FZD8: variants seen among roughly 807,000 people sequenced by gnomAD.
The protein encoded by FZD8 is frizzled-8.
Under a neutral mutation model 46.0 loss-of-function variants are expected in FZD8, and 18 were observed. That is an observed-to-expected ratio of 0.39 (90% confidence interval 0.27 to 0.58). FZD8 has a LOEUF of 0.58. FZD8 is among the 20% of genes least tolerant of loss of function. The pLI is 0.55. For missense variants in FZD8, 785 were observed against 983.4 expected (o/e 0.80, Z 2.70); for synonymous variants, 586 against 467.9 (o/e 1.25, Z -3.26).
rs904120209 is a variant in FZD8 at position 35,641,615 on chromosome 10, C to T, written c.-186G>A. On this transcript the variant is annotated 5_prime_UTR_variant, in exon 1 of 1. Transcript: ENST00000374694. The surrounding 1 kb of genome is among the most constrained non-coding windows in gnomAD (Gnocchi z 6.3). ...AGGGGCGCGTCCGCAGCGGCGCGGC[C>T]CGCAGCCTGGGCAGGGCCCTTCCGC... The T allele has an allele frequency of 5.4e-5, 41 of 760,708 alleles. No individual in the cohort carries two copies. The highest frequency in any genetic ancestry group is 1.2e-4 in the African/African-American group (7 of 56,040). 47.1% of individuals were successfully genotyped at this position (760,708 alleles called of 1,614,324 possible). A position where few individuals can be genotyped will look rare whatever the true frequency, so the allele number is the denominator to read the frequency against.
chr10:35,639,285 G>A lies in FZD8; in HGVS notation c.*60C>T. The A allele has an allele frequency of 1.1e-6, 1 of 918,180 alleles. No individual in the cohort carries two copies. Among genetic ancestry groups the A allele is most frequent in the East Asian group, 4.6e-5 (1 of 21,512 alleles). 56.9% of individuals were successfully genotyped at this position (918,180 alleles called of 1,614,324 possible). On this transcript the variant is annotated 3_prime_UTR_variant, in exon 1 of 1. Transcript: ENST00000374694. ...ACCTCAGCCCATCAAGTGTCCCTTC[G>A]CTGCACTTGGCTCTCCTCGCCCCCC...
rs1338285161 is a variant in FZD8, at chr10:35,641,301, A to C, written c.129T>G (p.Cys43Trp). The C allele has an allele frequency of 6.2e-7, 1 of 1,613,942 alleles. No homozygotes were observed. The highest frequency in any genetic ancestry group is 1.7e-5 in the Admixed American group (1 of 60,026). Residue 43 changes from cysteine (C) to tryptophan (W), a missense_variant, in exon 1 of 1, where the codon TGT (cysteine) becomes TGG (tryptophan). Transcript: ENST00000374694. The surrounding 1 kb of genome is among the most constrained non-coding windows in gnomAD (Gnocchi z 6.3). ...LACQEITVPL[C>W]KGIGYNYTYM... ...AGGTGTAGTTGTAGCCGATGCCCTT[A>C]CACAGCGGCACGGTGATCTCTTGGC...
rs1554808066 is a variant in FZD8, at chr10:35,641,490, G to GA, written c.-62_-61insT. The GA allele has an allele frequency of 1.1e-5, 17 of 1,512,548 alleles. No individual in the cohort carries two copies. Among genetic ancestry groups the GA allele is most frequent in the Non-Finnish European group, 1.5e-5 (17 of 1,137,364 alleles). 93.7% of individuals were successfully genotyped at this position (1,512,548 alleles called of 1,614,324 possible). ...GCGGCGCGCAGAGGGGTGCCGGGGG[G>GA]GGGGCCCACGAGAGAGCCGCAGACG... On this transcript the variant is annotated 5_prime_UTR_variant, in exon 1 of 1. Coordinates refer to ENST00000374694, the MANE Select transcript of FZD8 (RefSeq NM_031866.3). This position sits in a 1 kb window ranked among gnomAD's most constrained non-coding sequence, Gnocchi z 6.3.
chr10:35,640,890 G>C lies in FZD8; in HGVS notation c.540C>G (p.Ser180Arg). ...TGGCCCCCGGCGGGCGGCCGTGGCC[G>C]CTGCCCGAAGGCGGCTGCTCGCCGG... ...PPPGEQPPSGSGHGRPPGARP... is the reference protein window; with the variant it reads ...PPPGEQPPSGRGHGRPPGARP... The change falls in exon 1 of 1, where the codon AGC (serine) becomes AGG (arginine). Residue 180 changes from serine (S) to arginine (R), a missense_variant. Physicochemically the swap from Ser to Arg is moderately radical, Grantham distance 110 (BLOSUM62 -1). This residue lies in a region of FZD8 where 354 missense variants were observed against 433.2 expected (regional missense o/e 0.82). Coordinates refer to ENST00000374694, the MANE Select transcript of FZD8 (RefSeq NM_031866.3). The C allele has an allele frequency of 9.7e-7, 1 of 1,034,294 alleles. No homozygotes were observed. The highest frequency in any genetic ancestry group is 1.2e-6 in the Non-Finnish European group (1 of 864,946). 64.1% of individuals were successfully genotyped at this position (1,034,294 alleles called of 1,614,324 possible).
rs1835795689 is a variant in FZD8, at chr10:35,638,377, T to C, written c.*968A>G. Reference sequence around the variant, plus strand: ...TGTTATCCATGGATCAGAAAAGAGCTCCCATGAAAAACACCGTCTTTGGGG... The same window carrying C: ...TGTTATCCATGGATCAGAAAAGAGCCCCCATGAAAAACACCGTCTTTGGGG... On this transcript the variant is annotated 3_prime_UTR_variant, in exon 1 of 1. Coordinates refer to ENST00000374694, the MANE Select transcript of FZD8 (RefSeq NM_031866.3). 6.6e-6 allele frequency: 1 copy of C among 151,960 alleles called. No homozygotes were observed. Among genetic ancestry groups the C allele is most frequent in the African/African-American group, 2.4e-5 (1 of 41,254 alleles). 9.4% of individuals were successfully genotyped at this position (151,960 alleles called of 1,614,324 possible). A position where few individuals can be genotyped will look rare whatever the true frequency, so the allele number is the denominator to read the frequency against.
Position 35,640,029 on chromosome 10 carries a change from C to T in FZD8, c.1401G>A (p.Val467=). 6.2e-7 allele frequency: 1 copy of T among 1,610,880 alleles called. No homozygotes were observed. The highest frequency in any genetic ancestry group is 1.3e-5 in the African/African-American group (1 of 74,992). Residue 467 remains valine, a synonymous_variant, in exon 1 of 1, where the codon GTG becomes GTA. Coordinates refer to ENST00000374694, the MANE Select transcript of FZD8 (RefSeq NM_031866.3). ...GGTTGCCCACGTAGCAGATGCCCGC[C>T]ACCGGGTCGCCGTCCACCGAGCTGA... ...LALSSVDGDP[V]AGICYVGNQS... is the part of the protein sequence containing the mutation.
Position 35,641,286 on chromosome 10 carries a change from G to A in FZD8, c.144C>T (p.Tyr48=), listed in dbSNP as rs775297913. Residue 48 remains tyrosine, a synonymous_variant, in exon 1 of 1, where the codon TAC becomes TAT. Transcript: ENST00000374694. The surrounding 1 kb of genome is among the most constrained non-coding windows in gnomAD (Gnocchi z 6.3). ...ACTGATTGGGCATGTAGGTGTAGTT[G>A]TAGCCGATGCCCTTACACAGCGGCA... ...ITVPLCKGIG[Y]NYTYMPNQFN... is the part of the protein sequence containing the mutation. 6.8e-6 allele frequency: 11 copies of A among 1,613,646 alleles called. No individual in the cohort carries two copies. The highest frequency in any genetic ancestry group is 1.3e-5 in the African/African-American group (1 of 74,944).
rs1181517859 is a variant in FZD8, at chr10:35,639,650, G to A, written c.1780C>T (p.Leu594=). The change falls in exon 1 of 1, where the codon CTA becomes TTA. Residue 594 remains leucine, a synonymous_variant. Transcript: ENST00000374694. ...AVFMLKYFMC[L]VVGITSGVWV... is the part of the protein sequence containing the mutation. Reference sequence around the variant, plus strand: ...ACGCCCGAGGTGATGCCCACCACTAGGCACATGAAGTACTTGAGCATGAAG... The same window carrying A: ...ACGCCCGAGGTGATGCCCACCACTAAGCACATGAAGTACTTGAGCATGAAG... The A allele has an allele frequency of 2.5e-6, 4 of 1,598,632 alleles. No homozygotes were observed. The highest frequency in any genetic ancestry group is 8.5e-7 in the Non-Finnish European group (1 of 1,179,744).
rs1249906968 is a variant in FZD8 at position 35,640,815 on chromosome 10, C to T, written c.615G>A (p.Ala205=). 1 of 987,452 alleles carries T rather than the reference C, an allele frequency of 1.0e-6. No individual in the cohort carries two copies. The highest frequency in any genetic ancestry group is 1.2e-6 in the Non-Finnish European group (1 of 832,912). 61.2% of individuals were successfully genotyped at this position (987,452 alleles called of 1,614,324 possible). The change falls in exon 1 of 1, where the codon GCG becomes GCA. Residue 205 remains alanine, a synonymous_variant. Coordinates refer to ENST00000374694, the MANE Select transcript of FZD8 (RefSeq NM_031866.3). ...GGRGGGGGDA[A]APPARGGGGG... The stretch of plus-strand genomic sequence containing the variant: ...CGCCGCCGCCGCGAGCTGGGGGCGC[C>T]GCCGCGTCCCCGCCGCCACCGCCCC...
rs1835867141 is a variant in FZD8, at chr10:35,641,686, C to T, written c.-257G>A. The stretch of plus-strand genomic sequence containing the variant: ...GGGTTTGAAGGCGGCTGCAGGCGCG[C>T]GCCACAGTCCGTAGGTCCGCTCTGC... On this transcript the variant is annotated 5_prime_UTR_variant, in exon 1 of 1. Coordinates refer to ENST00000374694, the MANE Select transcript of FZD8 (RefSeq NM_031866.3). The surrounding 1 kb of genome is among the most constrained non-coding windows in gnomAD (Gnocchi z 6.3). 3 of 458,860 alleles carry T rather than the reference C, an allele frequency of 6.5e-6. No individual in the cohort carries two copies. In the Admixed American group the frequency reaches 1.1e-4, roughly 17 times the overall value. The allele number at this position is 458,860 out of a possible 1,614,324, so 28.4% of individuals were successfully genotyped here.
In FZD8 at chr10:35,641,531, C is replaced by G; in HGVS notation, c.-102G>C. On this transcript the variant is annotated 5_prime_UTR_variant, in exon 1 of 1. Transcript: ENST00000374694. This position sits in a 1 kb window ranked among gnomAD's most constrained non-coding sequence, Gnocchi z 6.3. ...GCCGCAGACGGGTACAGCGGGTGAT[C>G]TGGGGTCTCCCTTATGCTTCGCCCG... 1.4e-6 allele frequency: 2 copies of G among 1,438,488 alleles called. No individual in the cohort carries two copies. Among genetic ancestry groups the G allele is most frequent in the Middle Eastern group, 2.6e-4 (1 of 3,894 alleles). 89.1% of individuals were successfully genotyped at this position (1,438,488 alleles called of 1,614,324 possible). A position where few individuals can be genotyped will look rare whatever the true frequency, so the allele number is the denominator to read the frequency against.
chr10:35,639,982 C>A lies in FZD8; in HGVS notation c.1448G>T (p.Gly483Val). 1.2e-6 allele frequency: 2 copies of A among 1,612,742 alleles called. No homozygotes were observed. Among genetic ancestry groups the A allele is most frequent in the Non-Finnish European group, 1.7e-6 (2 of 1,179,884 alleles). The change falls in exon 1 of 1, where the codon GGC becomes GTC. Residue 483 changes from glycine (G) to valine (V), a missense_variant. By Grantham distance (109) the Gly-to-Val change is moderately radical. This residue lies in a region of FZD8 where 147 missense variants were observed against 242.5 expected (regional missense o/e 0.61). Transcript: ENST00000374694. ...VGNQSLDNLR[G>V]FVLAPLVIYL... ...GATGACCAGCGGCGCCAGCACGAAGCCGCGCAGGTTGTCCAGGCTCTGGTT... is the reference window on the plus strand; with the variant it reads ...GATGACCAGCGGCGCCAGCACGAAGACGCGCAGGTTGTCCAGGCTCTGGTT...
In FZD8 at chr10:35,639,890, T is replaced by G. The variant is rs766806194; in HGVS notation, c.1540A>C (p.Ile514Leu). The G allele has an allele frequency of 1.2e-6, 2 of 1,611,910 alleles. No homozygotes were observed. The highest frequency in any genetic ancestry group is 1.3e-5 in the African/African-American group (1 of 74,822). The change falls in exon 1 of 1, where the codon ATC becomes CTC. Residue 514 changes from isoleucine to leucine, a missense_variant. Ile to Leu is a conservative substitution (Grantham distance 5). Transcript: ENST00000374694. ...FVSLFRIRSV[I>L]KQQDGPTKTH... Reference sequence around the variant, plus strand: ...TTGGTGGGGCCGTCCTGTTGCTTGATGACCGAGCGGATGCGGAAGAGGGAC... The same window carrying G: ...TTGGTGGGGCCGTCCTGTTGCTTGAGGACCGAGCGGATGCGGAAGAGGGAC...
At position 35,640,751 on chromosome 10, in the gene FZD8, G is replaced by C; in HGVS notation, c.679C>G (p.Pro227Ala). 7.6e-7 allele frequency: 1 copy of C among 1,311,824 alleles called. No individual in the cohort carries two copies. The highest frequency in any genetic ancestry group is 9.8e-7 in the Non-Finnish European group (1 of 1,023,024). 81.3% of individuals were successfully genotyped at this position (1,311,824 alleles called of 1,614,324 possible). The change falls in exon 1 of 1, where the codon CCC becomes GCC. Residue 227 changes from proline to alanine, a missense_variant. By Grantham distance (27) the Pro-to-Ala change is conservative (BLOSUM62 -1). Transcript: ENST00000374694. ...KARPPGGGAA[P>A]CEPGCQCRAP... Reference sequence around the variant, plus strand: ...CGGCACTGGCACCCGGGCTCGCAGGGAGCCGCGCCGCCGCCAGGGGGCCGC... The same window carrying C: ...CGGCACTGGCACCCGGGCTCGCAGGCAGCCGCGCCGCCGCCAGGGGGCCGC...
In FZD8 at chr10:35,640,133, C is replaced by G; in HGVS notation, c.1297G>C (p.Ala433Pro). The G allele has an allele frequency of 6.2e-7, 1 of 1,613,222 alleles. No homozygotes were observed. The highest frequency in any genetic ancestry group is 2.2e-5 in the East Asian group (1 of 44,846). Residue 433 changes from alanine (A) to proline (P), a missense_variant, in exon 1 of 1, where the codon GCC becomes CCC. Transcript: ENST00000374694. The stretch of plus-strand genomic sequence containing the variant: ...AAGTACTGCGAGTAGCCGGCGATGG[C>G]TTCGTTGCCCCACTTCATACCGGCC... ...LAAGMKWGNE[A>P]IAGYSQYFHL... is the part of the protein sequence containing the mutation.
rs1418153144 is a variant in FZD8 at position 35,639,839 on chromosome 10, T to A, written c.1591A>T (p.Ile531Phe). 4 of 1,504,264 alleles carry A rather than the reference T, an allele frequency of 2.7e-6. No individual in the cohort carries two copies. Among genetic ancestry groups the A allele is most frequent in the African/African-American group, 1.6e-5 (1 of 63,706 alleles). 93.2% of individuals were successfully genotyped at this position (1,504,264 alleles called of 1,614,324 possible). ...AGCACGGTGAACAGGCCCAGGCGGA[T>A]CATCAGCTTCTCCAGCTTGTGCGTC... Reference protein sequence around the residue: ...TKTHKLEKLMIRLGLFTVLYT... With the variant: ...TKTHKLEKLMFRLGLFTVLYT... Residue 531 changes from isoleucine to phenylalanine, a missense_variant, in exon 1 of 1, where the codon ATC (isoleucine) becomes TTC (phenylalanine). By Grantham distance (21) the Ile-to-Phe change is conservative. Coordinates refer to ENST00000374694, the MANE Select transcript of FZD8 (RefSeq NM_031866.3).
Position 35,641,486 on chromosome 10 carries a change from G to T in FZD8, c.-57C>A. The stretch of plus-strand genomic sequence containing the variant: ...CCAGGCGGCGCGCAGAGGGGTGCCG[G>T]GGGGGGGGCCCACGAGAGAGCCGCA... On this transcript the variant is annotated 5_prime_UTR_variant, in exon 1 of 1. Transcript: ENST00000374694. The surrounding 1 kb of genome is among the most constrained non-coding windows in gnomAD (Gnocchi z 6.3). 1 of 1,509,348 alleles carries T rather than the reference G, an allele frequency of 6.6e-7. No homozygotes were observed. Among genetic ancestry groups the T allele is most frequent in the South Asian group, 1.3e-5 (1 of 78,092 alleles). 93.5% of individuals were successfully genotyped at this position (1,509,348 alleles called of 1,614,324 possible).
chr10:35,641,549 T>A lies in FZD8; in HGVS notation c.-120A>T. 3 of 1,346,584 alleles carry A rather than the reference T, an allele frequency of 2.2e-6. No individual in the cohort carries two copies. The highest frequency in any genetic ancestry group is 2.9e-6 in the Non-Finnish European group (3 of 1,018,892). 83.4% of individuals were successfully genotyped at this position (1,346,584 alleles called of 1,614,324 possible). A position where few individuals can be genotyped will look rare whatever the true frequency, so the allele number is the denominator to read the frequency against. ...GGGTGATCTGGGGTCTCCCTTATGCTTCGCCCGGGAGGGGGGTCTGCCGAT... is the reference window on the plus strand; with the variant it reads ...GGGTGATCTGGGGTCTCCCTTATGCATCGCCCGGGAGGGGGGTCTGCCGAT... On this transcript the variant is annotated 5_prime_UTR_variant, in exon 1 of 1. In the 5' UTR this introduces an upstream ATG that the reference lacks. Coordinates refer to ENST00000374694, the MANE Select transcript of FZD8 (RefSeq NM_031866.3). This position sits in a 1 kb window ranked among gnomAD's most constrained non-coding sequence, Gnocchi z 6.3.
At position 35,641,506 on chromosome 10, in the gene FZD8, G is replaced by A. The variant is rs1835862567; in HGVS notation, c.-77C>T. On this transcript the variant is annotated 5_prime_UTR_variant, in exon 1 of 1. Coordinates refer to ENST00000374694, the MANE Select transcript of FZD8 (RefSeq NM_031866.3). The surrounding 1 kb of genome is among the most constrained non-coding windows in gnomAD (Gnocchi z 6.3). The stretch of plus-strand genomic sequence containing the variant: ...TGCCGGGGGGGGGGCCCACGAGAGA[G>A]CCGCAGACGGGTACAGCGGGTGATC... 4.7e-6 allele frequency: 7 copies of A among 1,488,744 alleles called. No homozygotes were observed. The highest frequency in any genetic ancestry group is 6.2e-6 in the Non-Finnish European group (7 of 1,125,744). 92.2% of individuals were successfully genotyped at this position (1,488,744 alleles called of 1,614,324 possible).
Sources: gnomAD v4.1 joint callset for allele counts on GRCh38, gnomAD v4.1.1 for gene constraint, gnomAD v4.1.1 regional missense constraint, Gnocchi (gnomAD v3.1) non-coding constraint, MANE v1.5 for transcripts, NCBI Gene and HGNC (gene_info 2026-07-23, HGNC 2026-07-21) for gene names.